Variants in ABRAXAS2 observed in about 807,000 individuals in gnomAD.
ABRAXAS2 encodes the protein abraxas 2, BRISC complex subunit, also known as BRISC complex subunit Abraxas 2.
A neutral mutation model predicts 49.0 loss-of-function variants in ABRAXAS2; 23 were observed. The ratio of observed to expected loss-of-function variants is 0.47; its 90% CI spans 0.34 to 0.66. The LOEUF (loss-of-function observed/expected upper bound fraction) is 0.66, where lower values mean the gene tolerates loss of function less well. ABRAXAS2 is among the 30% of genes least tolerant of loss of function. The pLI is 0.01. For missense variants in ABRAXAS2, 443 were observed against 511.9 expected (o/e 0.87, Z 1.30); for synonymous variants, 168 against 180.2 (o/e 0.93, Z 0.54).
chr10:124,834,158 C>T (rs796956362), intron 8 of ABRAXAS2, among the ~76,000 whole-genome samples: 67 of 152,224 alleles, frequency 4.4e-4, no homozygotes, highest in African/African-American at 1.6e-3. Context: ...GGTTGTGGAG[C>T]GACAGAGCCT....
chr10:124,819,493 T>C, intron 4 of ABRAXAS2, 43 bp downstream of exon 4: 2 of 1,536,082 alleles, frequency 1.3e-6, no homozygotes, highest in Non-Finnish European at 9.0e-7. Context: ...AAATCGTTCC[T>C]TATCACCGAA....
intron 3 of ABRAXAS2, among the ~76,000 whole-genome samples, chr10:124,817,605 G>C (rs955750462): frequency 6.6e-6 from 1 of 151,970 alleles, no homozygotes; most frequent in African/African-American, 2.4e-5. Flanking sequence ...AGTTCCTTCC[G>C]TAACGCCAGC....
At chr10:124,823,315 A>G (rs11245378) in intron 4 of ABRAXAS2, among the ~76,000 whole-genome samples, 1 of 152,252 alleles carries the variant, frequency 6.6e-6, no homozygotes, top group South Asian at 2.1e-4. Context: ...TATATGACCC[A>G]CAAGGTACAT....
intron 4 of ABRAXAS2, among the ~76,000 whole-genome samples, chr10:124,825,232 C>T (rs559527857): frequency 1.3e-5 from 2 of 149,576 alleles, no homozygotes; most frequent in East Asian, 2.0e-4. Context: ...GCAGGGGAAT[C>T]GCTTGAACCC....
Position 124,836,316 on chromosome 10 carries a change from C to T in ABRAXAS2, c.*1345C>T, listed in dbSNP as rs938051735. ...GCTCCAGTTCCAATACTAAATTAGA[C>T]AGTATCATATAGACGGAAAATGAAA... is the stretch of plus-strand genomic sequence containing the variant. On this transcript the variant is annotated 3_prime_UTR_variant, in exon 9 of 9. Coordinates refer to ENST00000298492, the MANE Select transcript of ABRAXAS2 (RefSeq NM_032182.4). 1 of 152,172 alleles carries T rather than the reference C, an allele frequency of 6.6e-6. No individual in the cohort carries two copies. The highest frequency in any genetic ancestry group is 1.5e-5 in the Non-Finnish European group (1 of 68,034). The allele number at this position is 152,172 out of a possible 1,614,324, so 9.4% of individuals were successfully genotyped here. A position where few individuals can be genotyped will look rare whatever the true frequency, so the allele number is the denominator to read the frequency against.
At chr10:124,812,784 C>A (rs1950798833) in intron 2 of ABRAXAS2, among the ~76,000 whole-genome samples, 1 of 152,132 alleles carries the variant, frequency 6.6e-6, no homozygotes, top group Non-Finnish European at 1.5e-5. Flanking sequence ...CATAGCTTAC[C>A]CTCCAGAATA....
At chr10:124,808,225 G>C (rs1950761001) in intron 2 of ABRAXAS2, among the ~76,000 whole-genome samples, 3 of 151,282 alleles carry the variant, frequency 2.0e-5, no homozygotes. Flanking sequence ...GCCCAGGCTA[G>C]AGTGCAGTGG....
intron 2 of ABRAXAS2, among the ~76,000 whole-genome samples, chr10:124,814,288 C>T (rs1015077562): frequency 2.0e-5 from 3 of 152,050 alleles, no homozygotes; most frequent in East Asian, 1.9e-4. Flanking sequence ...CCACGCCCGG[C>T]CTCTATCATT....
At chr10:124,808,265 T>A (rs1043881287) in intron 2 of ABRAXAS2, among the ~76,000 whole-genome samples, 1 of 151,556 alleles carries the variant, frequency 6.6e-6, no homozygotes, top group Non-Finnish European at 1.5e-5. Flanking sequence ...AAGCTCCGCC[T>A]CCCGGGTTCA....
At chr10:124,817,524 T>C (rs1950832308) in intron 3 of ABRAXAS2, among the ~76,000 whole-genome samples, 2 of 152,208 alleles carry the variant, frequency 1.3e-5, no homozygotes, top group East Asian at 1.9e-4. Context: ...CTTCTTACCC[T>C]TTCCAAAAGC....
At chr10:124,811,103 C>T (rs1438321560) in intron 2 of ABRAXAS2, among the ~76,000 whole-genome samples, 5 of 151,582 alleles carry the variant, frequency 3.3e-5, no homozygotes, top group Non-Finnish European at 5.9e-5. Flanking sequence ...CCCAGCTATG[C>T]GGGAGGCTGA....
intron 2 of ABRAXAS2, among the ~76,000 whole-genome samples, chr10:124,812,062 C>T (rs774621042): frequency 2.0e-5 from 3 of 152,202 alleles, no homozygotes; most frequent in Non-Finnish European, 4.4e-5. Flanking sequence ...CAGGCGTAAG[C>T]CACCACACCC....
At position 124,810,750 on chromosome 10, in the gene ABRAXAS2, T is replaced by G. The variant is rs1237217687; in HGVS notation, c.163+3829T>G. Among the ~76,000 whole-genome samples the G allele has an allele frequency of 4.0e-5, 6 of 151,526 alleles. No homozygotes were observed. In the East Asian group the frequency reaches 1.2e-3, roughly 30 times the overall value. On this transcript the variant is annotated intron_variant, in intron 2 of 8. Transcript: ENST00000298492. ...GGTGCACGCCACCACTCCCAGCTAA[T>G]TTTTGTATTTTTAGTAGAGATGGGG...
intron 3 of ABRAXAS2, among the ~76,000 whole-genome samples, chr10:124,818,309 T>C (rs1475243940): frequency 6.1e-5 from 9 of 147,794 alleles, no homozygotes; most frequent in Non-Finnish European, 1.2e-4. Context: ...GGCAGGAGAA[T>C]GGCATGAACC....
chr10:124,814,119 G>A (rs1950808109), intron 2 of ABRAXAS2, among the ~76,000 whole-genome samples: 1 of 151,780 alleles, frequency 6.6e-6, no homozygotes, highest in Non-Finnish European at 1.5e-5. Context: ...AGTCCCGCAA[G>A]TAGCTGGGAT....
intron 5 of ABRAXAS2, 81 bp from the exon 6 acceptor site, chr10:124,828,675 T>TC: frequency 4.9e-6 from 2 of 412,006 alleles, no homozygotes; most frequent in Non-Finnish European, 6.8e-6. Flanking sequence ...CACCCAGCCC[T>TC]TTTTTTTTTT....
intron 2 of ABRAXAS2, among the ~76,000 whole-genome samples, chr10:124,810,860 C>T (rs766609630): frequency 1.9e-4 from 28 of 150,324 alleles, no homozygotes; most frequent in Non-Finnish European, 2.7e-4. Context: ...GGATTACAGG[C>T]GTGAGCGACC....
At chr10:124,818,026 C>G (rs1267373589) in intron 3 of ABRAXAS2, among the ~76,000 whole-genome samples, 1 of 152,086 alleles carries the variant, frequency 6.6e-6, no homozygotes, top group Non-Finnish European at 1.5e-5. Context: ...CTAGGTGTAC[C>G]CTGCCTCAGC....
intron 2 of ABRAXAS2, among the ~76,000 whole-genome samples, chr10:124,811,421 T>C (rs75993324): frequency 0.01 from 1,587 of 151,890 alleles, 12 homozygotes; most frequent in Non-Finnish European, 0.015. Flanking sequence ...ATTAATACTC[T>C]GGCTGTTTAT....
Sources: gnomAD v4.1 joint callset for allele counts (sites outside exome capture counted in the v4.1 genomes callset) on GRCh38, gnomAD v4.1.1 for gene constraint, MANE v1.5 for transcripts, NCBI Gene and HGNC (gene_info 2026-07-23, HGNC 2026-07-21) for gene names.